Variants in SEMA5A observed in about 807,000 individuals in gnomAD.
SEMA5A encodes semaphorin-5A.
SEMA5A carries 55 observed loss-of-function variants against 135.5 expected under a neutral mutation model. The observed-to-expected ratio is 0.41, with a 90% CI of 0.33 to 0.51. SEMA5A has a LOEUF of 0.51. Ranked by LOEUF, SEMA5A falls within the 20% of genes least tolerant of loss-of-function variation. The pLI, the probability that SEMA5A is intolerant of heterozygous loss-of-function variation, is 0.37. For missense variants in SEMA5A, 1,290 were observed against 1,419.9 expected, an observed-to-expected ratio of 0.91 and a Z score of 1.47; for synonymous variants, 580 against 546.5, an observed-to-expected ratio of 1.06 and a Z score of -0.85.
chr5:9,278,239 C>T (rs1035886468), intron 5 of SEMA5A, among the ~76,000 whole-genome samples: 1 of 152,006 alleles, frequency 6.6e-6, no homozygotes, highest in Non-Finnish European at 1.5e-5. Flanking sequence ...TTTGTTCCTG[C>T]CCTAGAGATC....
At chr5:9,134,014 C>G (rs1301093295) in intron 13 of SEMA5A, among the ~76,000 whole-genome samples, 5 of 152,094 alleles carry the variant, frequency 3.3e-5, no homozygotes, top group Admixed American at 1.3e-4. Flanking sequence ...GTGAGTTTCT[C>G]CTGAACTCTC....
chr5:9,066,003 G>C (rs1439009390), intron 17 of SEMA5A, among the ~76,000 whole-genome samples: 1 of 152,194 alleles, frequency 6.6e-6, no homozygotes, highest in Non-Finnish European at 1.5e-5. Context: ...TCCTTTTATA[G>C]GTACAAAGAG....
At chr5:9,544,676 A>C (rs1738281203) in intron 1 of SEMA5A, among the ~76,000 whole-genome samples, 1 of 152,212 alleles carries the variant, frequency 6.6e-6, no homozygotes, top group Non-Finnish European at 1.5e-5. Context: ...AGGACGCCGC[A>C]GGCGCAGGAA....
At chr5:9,184,411 A>G (rs1361562953) in intron 11 of SEMA5A, among the ~76,000 whole-genome samples, 1 of 152,038 alleles carries the variant, frequency 6.6e-6, no homozygotes, top group Non-Finnish European at 1.5e-5. Context: ...TTGCAGGGTA[A>G]TTTTCTCCAA....
At chr5:9,420,016 A>G (rs1757412067) in intron 2 of SEMA5A, among the ~76,000 whole-genome samples, 1 of 152,126 alleles carries the variant, frequency 6.6e-6, no homozygotes, top group African/African-American at 2.4e-5. Flanking sequence ...CTCGGTGGCC[A>G]TATTGGTTCC....
At chr5:9,540,957 G>T (rs960374215) in intron 1 of SEMA5A, among the ~76,000 whole-genome samples, 35 of 152,190 alleles carry the variant, frequency 2.3e-4, no homozygotes, top group African/African-American at 8.2e-4. Flanking sequence ...GAGAATAGAA[G>T]TTTCGGTTTT....
chr5:9,059,712 G>A (rs1737079673), intron 18 of SEMA5A, among the ~76,000 whole-genome samples: 1 of 152,024 alleles, frequency 6.6e-6, no homozygotes, highest in Non-Finnish European at 1.5e-5. Context: ...ACCATGCCAG[G>A]CTAATTTTTG....
chr5:9,384,954 G>A (rs550333999), intron 2 of SEMA5A, among the ~76,000 whole-genome samples: 1 of 152,174 alleles, frequency 6.6e-6, no homozygotes, highest in African/African-American at 2.4e-5. Context: ...ACATTATGAA[G>A]GAATTTTCAA....
At chr5:9,167,523 T>C (rs931500717) in intron 11 of SEMA5A, among the ~76,000 whole-genome samples, 3 of 152,170 alleles carry the variant, frequency 2.0e-5, no homozygotes, top group South Asian at 2.1e-4. Context: ...CTCATTTCAA[T>C]GTCTCCCCCT....
At chr5:9,276,983 G>C (rs1178221138) in intron 5 of SEMA5A, among the ~76,000 whole-genome samples, 2 of 152,158 alleles carry the variant, frequency 1.3e-5, no homozygotes, top group African/African-American at 4.8e-5. Context: ...AAACTAAAGA[G>C]CTTCTGCACA....
At chr5:9,352,188 T>C (rs1490512578) in intron 3 of SEMA5A, among the ~76,000 whole-genome samples, 1 of 151,880 alleles carries the variant, frequency 6.6e-6, no homozygotes, top group African/African-American at 2.4e-5. Context: ...AAAAGGAACA[T>C]GGGTCATATC....
intron 3 of SEMA5A, among the ~76,000 whole-genome samples, chr5:9,339,126 C>G (rs1284334273): frequency 6.6e-6 from 1 of 151,998 alleles, no homozygotes; most frequent in Non-Finnish European, 1.5e-5. Flanking sequence ...AAGGTATGTA[C>G]AAGGCAATGG....
chr5:9,255,085 T>A (rs1748993421), intron 5 of SEMA5A, among the ~76,000 whole-genome samples: 1 of 152,132 alleles, frequency 6.6e-6, no homozygotes, highest in Non-Finnish European at 1.5e-5. Flanking sequence ...TCCATCCAAA[T>A]GATGATAGTA....
intron 2 of SEMA5A, among the ~76,000 whole-genome samples, chr5:9,410,633 C>A (rs749110908): frequency 2.6e-5 from 4 of 152,158 alleles, no homozygotes; most frequent in Non-Finnish European, 4.4e-5. Flanking sequence ...ACTGCATGTT[C>A]TCACTTATAA....
intron 4 of SEMA5A, among the ~76,000 whole-genome samples, chr5:9,323,245 T>C (rs1206127724): frequency 2.6e-5 from 4 of 152,248 alleles, no homozygotes; most frequent in Non-Finnish European, 4.4e-5. Context: ...GATATACACA[T>C]TGCCTAACTA....
At chr5:9,086,466 T>C (rs1273177763) in intron 16 of SEMA5A, among the ~76,000 whole-genome samples, 1 of 152,168 alleles carries the variant, frequency 6.6e-6, no homozygotes, top group Non-Finnish European at 1.5e-5. Context: ...AATGGGAGTT[T>C]CCCTGCACGA....
At chr5:9,121,923 C>CT (rs1484878582) in intron 14 of SEMA5A, among the ~76,000 whole-genome samples, 2 of 151,604 alleles carry the variant, frequency 1.3e-5, no homozygotes, top group African/African-American at 4.8e-5. Context: ...GTCCCAGAGA[C>CT]TTTTTTTTTC....
At chr5:9,242,230 C>G (rs1322384685) in intron 5 of SEMA5A, among the ~76,000 whole-genome samples, 1 of 152,168 alleles carries the variant, frequency 6.6e-6, no homozygotes, top group Non-Finnish European at 1.5e-5. Flanking sequence ...AAAATGTCAA[C>G]CTATAACAGT....
At chr5:9,203,194 T>C (rs988743392) in intron 8 of SEMA5A, among the ~76,000 whole-genome samples, 1 of 152,230 alleles carries the variant, frequency 6.6e-6, no homozygotes, top group Non-Finnish European at 1.5e-5. Context: ...GGTTTTATTC[T>C]TCGCTATTTC....
Sources: allele counts gnomAD v4.1 joint callset (sites outside exome capture counted in the v4.1 genomes callset), GRCh38; gene constraint gnomAD v4.1.1; transcripts MANE v1.5; gene names NCBI Gene and HGNC (gene_info 2026-07-23, HGNC 2026-07-21).